Variants in SGMS1 observed in about 807,000 individuals in gnomAD.
The protein encoded by SGMS1 is sphingomyelin synthase 1.
Under a neutral mutation model 46.2 loss-of-function variants are expected in SGMS1, and 13 were observed. The ratio of observed to expected loss-of-function variants is 0.28; its 90% CI spans 0.18 to 0.45. SGMS1 has a LOEUF of 0.45. Ranked by LOEUF, SGMS1 falls within the 20% of genes least tolerant of loss-of-function variation. SGMS1 has a pLI of 1.00. For missense variants in SGMS1, 324 were observed against 519.9 expected (o/e 0.62, Z 3.66); for synonymous variants, 203 against 187.8 (o/e 1.08, Z -0.66).
chr10:50,451,615 C>T (rs531081670), intron 5 of SGMS1, among the ~76,000 whole-genome samples: 1 of 152,258 alleles, frequency 6.6e-6, no homozygotes, highest in East Asian at 1.9e-4. Context: ...ATATCAGCAA[C>T]ACGAGCAGCA....
intron 2 of SGMS1, among the ~76,000 whole-genome samples, chr10:50,552,069 T>G (rs1027845825): frequency 3.9e-5 from 6 of 152,166 alleles, no homozygotes; most frequent in African/African-American, 1.4e-4. Context: ...AATAAAACTT[T>G]ATTTATAAAA....
chr10:50,417,050 C>T (rs905227194), intron 6 of SGMS1, among the ~76,000 whole-genome samples: 3 of 152,114 alleles, frequency 2.0e-5, no homozygotes, highest in African/African-American at 7.2e-5. Context: ...AGTCTTCCCA[C>T]CATCCTTTAT....
chr10:50,606,369 A>C (rs1399689767), intron 1 of SGMS1, among the ~76,000 whole-genome samples: 34 of 152,178 alleles, frequency 2.2e-4, no homozygotes, highest in Admixed American at 2.0e-3. Context: ...TGGGATGAGG[A>C]AGTCATTCTG....
chr10:50,337,554 C>A (rs549803498), intron 7 of SGMS1, among the ~76,000 whole-genome samples: 1 of 152,268 alleles, frequency 6.6e-6, no homozygotes, highest in African/African-American at 2.4e-5. Flanking sequence ...GTCTGTGGGT[C>A]ATAAACTACC....
intron 2 of SGMS1, among the ~76,000 whole-genome samples, chr10:50,555,518 G>C (rs1249735019): frequency 2.0e-5 from 3 of 152,194 alleles, no homozygotes; most frequent in Admixed American, 6.5e-5. Flanking sequence ...GTGTAATAAG[G>C]AATGCGGTTG....
chr10:50,440,164 T>C (rs1333545578), intron 5 of SGMS1, among the ~76,000 whole-genome samples: 3 of 152,036 alleles, frequency 2.0e-5, no homozygotes, highest in African/African-American at 7.2e-5. Context: ...TGTGCAATGA[T>C]ATTGCCCCCA....
chr10:50,323,619 A>G (rs1208360662), intron 8 of SGMS1, among the ~76,000 whole-genome samples: 3 of 152,190 alleles, frequency 2.0e-5, no homozygotes, highest in Non-Finnish European at 4.4e-5. Flanking sequence ...ATTGCTAACT[A>G]TCTTGGACAT....
intron 6 of SGMS1, among the ~76,000 whole-genome samples, chr10:50,344,866 T>G (rs1589396039): frequency 6.9e-6 from 1 of 145,378 alleles, no homozygotes; most frequent in African/African-American, 2.6e-5. Context: ...GCGAGATTCC[T>G]TCTCAAAAAA....
At chr10:50,531,843 T>G (rs1376031703) in intron 2 of SGMS1, among the ~76,000 whole-genome samples, 1 of 152,174 alleles carries the variant, frequency 6.6e-6, no homozygotes, top group African/African-American at 2.4e-5. Flanking sequence ...AATAGCATGA[T>G]AAGGTAGGCA....
chr10:50,408,159 C>T (rs1425451941), intron 6 of SGMS1, among the ~76,000 whole-genome samples: 1 of 152,162 alleles, frequency 6.6e-6, no homozygotes, highest in African/African-American at 2.4e-5. Flanking sequence ...TTGTATTGGA[C>T]ATCAAAGGTC....
chr10:50,598,015 A>AC (rs1237946457), intron 1 of SGMS1, among the ~76,000 whole-genome samples: 2 of 150,676 alleles, frequency 1.3e-5, no homozygotes, highest in Non-Finnish European at 3.0e-5. Flanking sequence ...TCCGTCTCAA[A>AC]AAAAAAAAAA....
At chr10:50,357,805 G>C (rs1414091184) in intron 6 of SGMS1, among the ~76,000 whole-genome samples, 1 of 151,946 alleles carries the variant, frequency 6.6e-6, no homozygotes, top group Non-Finnish European at 1.5e-5. Context: ...GATTTTTTAA[G>C]GCATGAAGGA....
intron 6 of SGMS1, among the ~76,000 whole-genome samples, chr10:50,373,868 G>C (rs1848482104): frequency 6.6e-6 from 1 of 152,112 alleles, no homozygotes; most frequent in South Asian, 2.1e-4. Context: ...TCCACATCTT[G>C]ACCATGTGCT....
Position 50,316,763 on chromosome 10 carries a change from G to A in SGMS1, c.742-5348C>T, listed in dbSNP as rs186333083. On this transcript the variant is annotated intron_variant, in intron 8 of 10. Transcript: ENST00000361781. ...AGACCAAATCCAATACACGAATCAA[G>A]TAACAGGATCAGGAGGAGGAATGGT... is the stretch of plus-strand genomic sequence containing the variant. 1.1e-4 allele frequency among the ~76,000 whole-genome samples: 17 copies of A among 152,270 alleles called. No homozygotes were observed. The East Asian group carries it at 2.9e-3, about 26-fold the overall frequency.
At chr10:50,401,991 C>T (rs1402632600) in intron 6 of SGMS1, among the ~76,000 whole-genome samples, 1 of 152,138 alleles carries the variant, frequency 6.6e-6, no homozygotes, top group African/African-American at 2.4e-5. Context: ...AACTGTTGTA[C>T]CCAAGAAATT....
At chr10:50,559,985 T>A (rs959180698) in intron 2 of SGMS1, among the ~76,000 whole-genome samples, 3 of 151,306 alleles carry the variant, frequency 2.0e-5, no homozygotes, top group Non-Finnish European at 2.9e-5. Context: ...GGTTTTGTAG[T>A]AGGAACTTTC....
Position 50,571,073 on chromosome 10 carries a change from T to C in SGMS1, c.-589+19080A>G, listed in dbSNP as rs1838332811. Reference sequence around the variant, plus strand: ...ACAGTCTTTGCCTCTGGCAAGAATTTTACCAAGTCCAACTGCAAACACTTG... The same window carrying C: ...ACAGTCTTTGCCTCTGGCAAGAATTCTACCAAGTCCAACTGCAAACACTTG... On this transcript the variant is annotated intron_variant, in intron 2 of 10. Coordinates refer to ENST00000361781, the MANE Select transcript of SGMS1 (RefSeq NM_147156.4). Among the ~76,000 whole-genome samples the C allele has an allele frequency of 6.6e-5, 10 of 152,384 alleles. No individual in the cohort carries two copies. The South Asian group carries it at 2.1e-3, about 32-fold the overall frequency.
chr10:50,559,000 G>A (rs1259787009), intron 2 of SGMS1, among the ~76,000 whole-genome samples: 3 of 152,120 alleles, frequency 2.0e-5, no homozygotes, highest in Admixed American at 6.5e-5. Flanking sequence ...GGGTGGGGGT[G>A]CCTCTAACGC....
chr10:50,604,044 T>C (rs1184506488), intron 1 of SGMS1, among the ~76,000 whole-genome samples: 1 of 152,152 alleles, frequency 6.6e-6, no homozygotes, highest in African/African-American at 2.4e-5. Context: ...AACGTCAACA[T>C]TTCTGACCCC....
Sources: allele counts gnomAD v4.1 joint callset (sites outside exome capture counted in the v4.1 genomes callset), GRCh38; gene constraint gnomAD v4.1.1; transcripts MANE v1.5; gene names NCBI Gene and HGNC (gene_info 2026-07-23, HGNC 2026-07-21).